The following CSMD3 variants were observed in gnomAD, a reference collection of about 807,000 sequenced individuals.
CSMD3 encodes the protein CUB and Sushi multiple domains 3.
Under a neutral mutation model 435.2 loss-of-function variants are expected in CSMD3, and 177 were observed. The ratio of observed to expected loss-of-function variants is 0.41; its 90% CI spans 0.36 to 0.46. The LOEUF is 0.46. Ranked by LOEUF, CSMD3 falls within the 20% of genes least tolerant of loss-of-function variation. The probability of loss-of-function intolerance (pLI) is 0.34; values close to 1 mark genes in which losing one functional copy is unlikely to be tolerated. For missense variants in CSMD3, 4,265 were observed against 4,504.6 expected (o/e 0.95, Z 1.52); for synonymous variants, 1,656 against 1,520.5 (o/e 1.09, Z -2.07).
intron 4 of CSMD3, among the ~76,000 whole-genome samples, chr8:113,142,162 C>T (rs577148930): frequency 2.3e-4 from 34 of 151,050 alleles, no homozygotes; most frequent in Non-Finnish European, 3.4e-4. Flanking sequence ...ATGGATTGGA[C>T]GACTCAACAC....
intron 10 of CSMD3, among the ~76,000 whole-genome samples, chr8:112,917,246 A>G (rs1815850618): frequency 6.6e-6 from 1 of 152,008 alleles, no homozygotes; most frequent in African/African-American, 2.4e-5. Context: ...TCTACTGTCC[A>G]TGAAATGATT....
chr8:112,594,635 T>C (rs200129258), intron 22 of CSMD3, among the ~76,000 whole-genome samples: 3 of 152,002 alleles, frequency 2.0e-5, no homozygotes, highest in Non-Finnish European at 2.9e-5. Flanking sequence ...TTGAAGAGAG[T>C]AGTGGTTCTC....
At chr8:112,534,271 C>A (rs983279662) in intron 27 of CSMD3, among the ~76,000 whole-genome samples, 2 of 151,854 alleles carry the variant, frequency 1.3e-5, no homozygotes, top group Non-Finnish European at 2.9e-5. Context: ...ATTGATAGAC[C>A]ACTAGCAAGA....
intron 10 of CSMD3, among the ~76,000 whole-genome samples, chr8:112,889,405 A>C (rs1176165023): frequency 6.6e-6 from 1 of 151,646 alleles, no homozygotes; most frequent in Non-Finnish European, 1.5e-5. Flanking sequence ...GACCTGGCTA[A>C]TATGCTTGAG....
intron 32 of CSMD3, 146 bp from the exon 33 acceptor site, chr8:112,409,178 T>C (rs1832117005): frequency 2.1e-6 from 3 of 1,434,304 alleles, no homozygotes; most frequent in Non-Finnish European, 2.8e-6. Flanking sequence ...AGAGGATAGG[T>C]GCCAATTGGT....
chr8:113,178,036 C>T (rs1414797870), intron 3 of CSMD3, among the ~76,000 whole-genome samples: 1 of 151,886 alleles, frequency 6.6e-6, no homozygotes, highest in Non-Finnish European at 1.5e-5. Flanking sequence ...CTATTTTATT[C>T]ATCAGAAGCT....
chr8:112,351,694 C>T (rs1826152743), intron 39 of CSMD3, among the ~76,000 whole-genome samples: 1 of 151,716 alleles, frequency 6.6e-6, no homozygotes, highest in Non-Finnish European at 1.5e-5. Context: ...AATATAAAGT[C>T]CTGAAAGATC....
At position 112,336,658 on chromosome 8, in the gene CSMD3, G is replaced by T; in HGVS notation, c.7013C>A (p.Thr2338Asn). ...AACAATAGTCCTGACTTACCATACA[G>T]TAATGAAATCATATATTGGTTCTGT... ...LQTEPIYDFI[T>N]VWDGPDQNSP... Residue 2338 changes from threonine (T) to asparagine (N), a missense_variant, in exon 44 of 71, where the codon ACT becomes AAT. By Grantham distance (65) the Thr-to-Asn change is moderately conservative. Transcript: ENST00000297405. The T allele has an allele frequency of 1.2e-6, 2 of 1,604,830 alleles. No homozygotes were observed. The highest frequency in any genetic ancestry group is 1.1e-5 in the South Asian group (1 of 90,920).
At chr8:113,222,633 A>C (rs1473089857) in intron 3 of CSMD3, among the ~76,000 whole-genome samples, 1 of 151,132 alleles carries the variant, frequency 6.6e-6, no homozygotes, top group African/African-American at 2.4e-5. Context: ...ATTTTCAGAC[A>C]AATTATGTAT....
rs1266018572 is a variant in CSMD3, at chr8:112,247,163, TC to T, written c.10111-33del. On this transcript the variant is annotated intron_variant, in intron 63 of 70. Transcript: ENST00000297405. The stretch of plus-strand genomic sequence containing the variant: ...CAAATTAAAGAGAGGAAAAAAATAT[TC>T]CCCTACAACTTCAAATATGGCAACA... 3 of 1,366,828 alleles carry T rather than the reference TC, an allele frequency of 2.2e-6. No individual in the cohort carries two copies. In the East Asian group the frequency reaches 6.9e-5, roughly 31 times the overall value. The allele number at this position is 1,366,828 out of a possible 1,614,324, so 84.7% of individuals were successfully genotyped here.
intron 32 of CSMD3, among the ~76,000 whole-genome samples, chr8:112,459,752 C>T (rs1173083180): frequency 6.6e-6 from 1 of 152,088 alleles, no homozygotes; most frequent in African/African-American, 2.4e-5. Context: ...CATGGCATAC[C>T]AGGCACTTCA....
chr8:112,255,497 G>C, intron 61 of CSMD3, 70 bp from the exon 62 acceptor site: 1 of 1,327,958 alleles, frequency 7.5e-7, no homozygotes, highest in Admixed American at 1.7e-5. Context: ...TTGGAAAAAT[G>C]GTGACAATCA....
chr8:112,816,722 C>G (rs188172106), intron 12 of CSMD3, among the ~76,000 whole-genome samples: 1 of 151,810 alleles, frequency 6.6e-6, no homozygotes, highest in Non-Finnish European at 1.5e-5. Context: ...AAACTAAGAG[C>G]AATGATAGTC....
chr8:113,145,245 T>C (rs1013220577), intron 4 of CSMD3, among the ~76,000 whole-genome samples: 2 of 151,526 alleles, frequency 1.3e-5, no homozygotes, highest in African/African-American at 4.8e-5. Context: ...CTTGGCCTTT[T>C]TCAAGTGAGA....
intron 45 of CSMD3, among the ~76,000 whole-genome samples, chr8:112,329,752 TA>T (rs897284665): frequency 2.0e-5 from 3 of 152,150 alleles, no homozygotes; most frequent in African/African-American, 7.2e-5. Flanking sequence ...GGCATATACA[TA>T]CAGTGAAGTG....
chr8:112,243,671 G>T (rs896381100), intron 65 of CSMD3, among the ~76,000 whole-genome samples: 1 of 152,038 alleles, frequency 6.6e-6, no homozygotes, highest in African/African-American at 2.4e-5. Flanking sequence ...GAGTAATCTA[G>T]GCATTAGGGT....
At chr8:112,554,613 T>G (rs980557363) in intron 25 of CSMD3, among the ~76,000 whole-genome samples, 1 of 151,866 alleles carries the variant, frequency 6.6e-6, no homozygotes, top group Non-Finnish European at 1.5e-5. Flanking sequence ...CATAGCTGTT[T>G]CCCCCCATAT....
At chr8:112,919,644 G>A (rs558924442) in intron 10 of CSMD3, among the ~76,000 whole-genome samples, 5 of 151,772 alleles carry the variant, frequency 3.3e-5, no homozygotes, top group African/African-American at 9.6e-5. Flanking sequence ...TAGGATATTT[G>A]AAACATATCA....
intron 32 of CSMD3, among the ~76,000 whole-genome samples, chr8:112,440,321 T>C (rs1295789511): frequency 6.6e-6 from 1 of 152,222 alleles, no homozygotes; most frequent in African/African-American, 2.4e-5. Flanking sequence ...GTTATACTGA[T>C]GCAAGGGTTG....
Sources: gnomAD v4.1 joint callset for allele counts (sites outside exome capture counted in the v4.1 genomes callset) on GRCh38, gnomAD v4.1.1 for gene constraint, MANE v1.5 for transcripts, NCBI Gene and HGNC (gene_info 2026-07-23, HGNC 2026-07-21) for gene names.